FBXW8: variants seen among roughly 807,000 people sequenced by gnomAD.
FBXW8 encodes the protein F-box and WD repeat domain containing 8.
FBXW8 carries 57 observed loss-of-function variants against 65.3 expected under a neutral mutation model. The observed-to-expected ratio is 0.87, with a 90% CI of 0.71 to 1.09. The LOEUF (loss-of-function observed/expected upper bound fraction) is 1.09, where lower values mean the gene tolerates loss of function less well. FBXW8 is among the 50% of genes least tolerant of loss of function. The probability of loss-of-function intolerance (pLI) is 0.00; values close to 1 mark genes in which losing one functional copy is unlikely to be tolerated. For synonymous variants in FBXW8, 308 were observed against 330.2 expected (o/e 0.93, Z 0.73); for missense variants, 777 against 814.8 (o/e 0.95, Z 0.57).
At position 116,961,441 on chromosome 12, in the gene FBXW8, CCT is replaced by C. The variant is rs1426990852; in HGVS notation, c.678-3251_678-3250del. Among the ~76,000 whole-genome samples, 1 of 152,130 alleles carries C rather than the reference CCT, an allele frequency of 6.6e-6. No homozygotes were observed. The highest frequency in any genetic ancestry group is 1.5e-5 in the Non-Finnish European group (1 of 68,030). ...GTTCAGAGGCAAGAGCATTTGGGAT[CCT>C]CTCTGGAAGCCGGCCCGTGTGAAGG... On this transcript the variant is annotated intron_variant, in intron 4 of 10. Coordinates refer to ENST00000652555, the MANE Select transcript of FBXW8 (RefSeq NM_153348.3). The surrounding 1 kb of genome is among the most constrained non-coding windows in gnomAD (Gnocchi z 4.4).
intron 8 of FBXW8, among the ~76,000 whole-genome samples, chr12:117,017,121 T>TA (rs1329077267): frequency 2.6e-5 from 4 of 152,242 alleles, no homozygotes; most frequent in Non-Finnish European, 5.9e-5. Context: ...TATATGAAAG[T>TA]AACAGTATGG....
intron 4 of FBXW8, among the ~76,000 whole-genome samples, chr12:116,954,950 T>C (rs1425592257): frequency 6.6e-6 from 1 of 151,294 alleles, no homozygotes; most frequent in Non-Finnish European, 1.5e-5. Context: ...CGTGATCTTT[T>C]GGTCAACAAA....
chr12:116,996,170 G>T (rs1248724338), intron 7 of FBXW8, among the ~76,000 whole-genome samples: 3 of 152,170 alleles, frequency 2.0e-5, no homozygotes, highest in African/African-American at 7.2e-5. Context: ...ATGGCAGATT[G>T]TATTAAGCGG....
intron 4 of FBXW8, among the ~76,000 whole-genome samples, chr12:116,964,114 C>T (rs979538719): frequency 2.0e-5 from 3 of 152,206 alleles, no homozygotes; most frequent in Non-Finnish European, 2.9e-5. Flanking sequence ...GGCAGTGTCG[C>T]GCATTCAGCA....
chr12:116,946,091 C>T (rs1001661669), intron 3 of FBXW8, among the ~76,000 whole-genome samples: 3 of 152,158 alleles, frequency 2.0e-5, no homozygotes, highest in African/African-American at 7.2e-5. Flanking sequence ...TGTCAAGAGC[C>T]GTGTTACATA....
chr12:116,951,962 C>T (rs1331569767), intron 4 of FBXW8, among the ~76,000 whole-genome samples: 3 of 152,160 alleles, frequency 2.0e-5, no homozygotes, highest in Non-Finnish European at 2.9e-5. Context: ...CTCTTTTGTC[C>T]GTGAGTCTTT....
intron 4 of FBXW8, among the ~76,000 whole-genome samples, chr12:116,962,873 T>C (rs1377013585): frequency 6.6e-6 from 1 of 152,118 alleles, no homozygotes; most frequent in Non-Finnish European, 1.5e-5. Flanking sequence ...AGCCCGGTAT[T>C]TTGAGGGCAG....
chr12:116,999,535 T>C (rs915824987), intron 7 of FBXW8, among the ~76,000 whole-genome samples: 4 of 152,140 alleles, frequency 2.6e-5, no homozygotes, highest in African/African-American at 9.7e-5. Context: ...CCCGAGCGCA[T>C]TTCCCCTTCC....
At position 117,029,262 on chromosome 12, in the gene FBXW8, T is replaced by G. The variant is rs1410689333; in HGVS notation, c.*1090T>G. ...CCCAACCCCAAGACACTGCACCCTA[T>G]GGGCTATACCCTCAGGCAGGGCCCT... On this transcript the variant is annotated 3_prime_UTR_variant, in exon 11 of 11. Transcript: ENST00000652555. 2 of 152,232 alleles carry G rather than the reference T, an allele frequency of 1.3e-5. No individual in the cohort carries two copies. The highest frequency in any genetic ancestry group is 4.8e-5 in the African/African-American group (2 of 41,444). 9.4% of individuals were successfully genotyped at this position (152,232 alleles called of 1,614,324 possible).
At chr12:116,945,781 C>G (rs564250760) in intron 3 of FBXW8, among the ~76,000 whole-genome samples, 3 of 152,342 alleles carry the variant, frequency 2.0e-5, no homozygotes, top group African/African-American at 7.2e-5. Context: ...GGTTGCCAGC[C>G]ACTTCCTCTC....
At chr12:116,989,674 G>A (rs1053324786) in intron 7 of FBXW8, among the ~76,000 whole-genome samples, 1 of 152,182 alleles carries the variant, frequency 6.6e-6, no homozygotes, top group Non-Finnish European at 1.5e-5. Flanking sequence ...CTCCCTACCA[G>A]TGGGACCAAG....
intron 2 of FBXW8, among the ~76,000 whole-genome samples, chr12:116,938,067 CAATT>C (rs1202715162): frequency 6.6e-6 from 1 of 152,066 alleles, no homozygotes. Context: ...GGAATCAAAA[CAATT>C]AACAAGATTT....
chr12:116,961,276 G>A lies in FBXW8; in HGVS notation c.678-3421G>A, dbSNP rs1162067046. 6.6e-6 allele frequency among the ~76,000 whole-genome samples: 1 copy of A among 152,226 alleles called. No homozygotes were observed. The highest frequency in any genetic ancestry group is 1.5e-5 in the Non-Finnish European group (1 of 68,038). Reference sequence around the variant, plus strand: ...AGCCTCCCAAAGTGCTGGGATTACAGGCATGAGCCACCGTGCCCGGCCTGT... The same window carrying A: ...AGCCTCCCAAAGTGCTGGGATTACAAGCATGAGCCACCGTGCCCGGCCTGT... On this transcript the variant is annotated intron_variant, in intron 4 of 10. Transcript: ENST00000652555. The surrounding 1 kb of genome is among the most constrained non-coding windows in gnomAD (Gnocchi z 4.4).
chr12:116,989,525 G>T (rs1165721535), intron 7 of FBXW8, among the ~76,000 whole-genome samples: 2 of 152,210 alleles, frequency 1.3e-5, no homozygotes, highest in African/African-American at 2.4e-5. Context: ...AGTGCATTCT[G>T]ATGCTCTTTG....
chr12:116,964,874 C>T lies in FBXW8; in HGVS notation c.835+20C>T, dbSNP rs199575101. On this transcript the variant is annotated intron_variant, in intron 5 of 10. Transcript: ENST00000652555. ...AGGATGGTAAGTAACCACAACCCTCCTCCCTATTAAGGAAAAAAAAAAGCT... is the reference window on the plus strand; with the variant it reads ...AGGATGGTAAGTAACCACAACCCTCTTCCCTATTAAGGAAAAAAAAAAGCT... 20 of 1,561,346 alleles carry T rather than the reference C, an allele frequency of 1.3e-5. No individual in the cohort carries two copies. In the East Asian group the frequency reaches 4.5e-4, roughly 35 times the overall value.
At chr12:116,967,615 T>C (rs1180711544) in intron 5 of FBXW8, among the ~76,000 whole-genome samples, 1 of 152,260 alleles carries the variant, frequency 6.6e-6, no homozygotes, top group Non-Finnish European at 1.5e-5. Context: ...TCTTTGTGTG[T>C]TGTTAGCTGT....
chr12:116,924,426 A>T (rs1295216710), intron 1 of FBXW8, among the ~76,000 whole-genome samples: 2 of 152,220 alleles, frequency 1.3e-5, no homozygotes, highest in African/African-American at 4.8e-5. Context: ...TTGTGTTGTA[A>T]ACATTCAAAA....
intron 5 of FBXW8, among the ~76,000 whole-genome samples, chr12:116,972,865 A>G (rs2137408396): frequency 6.6e-6 from 1 of 152,348 alleles, no homozygotes; most frequent in African/African-American, 2.4e-5. Context: ...AAGGTGTAAG[A>G]GCATCAACAG....
chr12:116,973,867 AAAAAG>A (rs1884771740), intron 5 of FBXW8, among the ~76,000 whole-genome samples: 3 of 152,276 alleles, frequency 2.0e-5, no homozygotes, highest in Non-Finnish European at 4.4e-5. Context: ...GTTTCAAAAT[AAAAAG>A]ATAAAAAATA....
Sources: gnomAD v4.1 joint callset for allele counts (sites outside exome capture counted in the v4.1 genomes callset) on GRCh38, gnomAD v4.1.1 for gene constraint, Gnocchi (gnomAD v3.1) non-coding constraint, MANE v1.5 for transcripts, NCBI Gene and HGNC (gene_info 2026-07-23, HGNC 2026-07-21) for gene names.